The following RNLS variants were observed in gnomAD, a reference collection of about 807,000 sequenced individuals.
RNLS encodes renalase, FAD dependent amine oxidase.
In RNLS, 39 loss-of-function variants were observed where a neutral mutation model predicts 39.8. That is an observed-to-expected ratio of 0.98 (90% CI 0.76 to 1.28). The LOEUF (loss-of-function observed/expected upper bound fraction) is 1.28. Ranked by LOEUF, RNLS falls within the 50% of genes most tolerant of loss-of-function variation. The pLI is 0.00. For missense variants in RNLS, 410 were observed against 413.3 expected (o/e 0.99, Z 0.07); for synonymous variants, 147 against 150.7 (o/e 0.98, Z 0.18).
At chr10:88,369,510 C>T (rs1421060231) in intron 4 of RNLS, among the ~76,000 whole-genome samples, 1 of 152,142 alleles carries the variant, frequency 6.6e-6, no homozygotes, top group East Asian at 1.9e-4. Flanking sequence ...TTTCAGGTGG[C>T]TCTTTTCCCC....
the RNLS span, among the ~76,000 whole-genome samples, chr10:88,178,399 G>A: frequency 0.018 from 2,692 of 152,188 alleles, 89 homozygotes; most frequent in African/African-American, 0.061. Flanking sequence ...CAGCCACATT[G>A]GCTCCAGGTA....
chr10:88,497,471 C>T (rs935678861), intron 4 of RNLS, among the ~76,000 whole-genome samples: 13 of 151,636 alleles, frequency 8.6e-5, no homozygotes, highest in African/African-American at 2.7e-4. Context: ...AGGTGATTTG[C>T]AAAAGCTAAA....
At chr10:88,464,742 T>G (rs1055237398) in intron 4 of RNLS, among the ~76,000 whole-genome samples, 1 of 141,406 alleles carries the variant, frequency 7.1e-6, no homozygotes, top group Non-Finnish European at 1.5e-5. Flanking sequence ...CATAAAACAC[T>G]AACAGCAAAG....
intron 5 of RNLS, among the ~76,000 whole-genome samples, chr10:88,348,564 C>G (rs1385181995): frequency 6.6e-6 from 1 of 152,114 alleles, no homozygotes; most frequent in Non-Finnish European, 1.5e-5. Flanking sequence ...CTGTATAGAT[C>G]TGTAATTTGG....
At chr10:88,494,740 T>A (rs968052243) in intron 4 of RNLS, among the ~76,000 whole-genome samples, 1 of 152,106 alleles carries the variant, frequency 6.6e-6, no homozygotes, top group East Asian at 1.9e-4. Flanking sequence ...GTTCACCAAT[T>A]GTGTGATTTG....
intron 4 of RNLS, among the ~76,000 whole-genome samples, chr10:88,447,108 AG>A (rs1842079748): frequency 6.6e-6 from 1 of 152,264 alleles, no homozygotes; most frequent in Admixed American, 6.5e-5. Flanking sequence ...GGCACACGAC[AG>A]GGATGTCCTC....
At position 88,581,554 on chromosome 10, in the gene RNLS, A is replaced by C; in HGVS notation, c.367+13T>G. The C allele has an allele frequency of 6.3e-7, 1 of 1,581,558 alleles. No homozygotes were observed. ...TAATTTTAAAATTTAGGCAGAGAAA[A>C]TCTTACTCCCACCTGATTCTTTCAA... is the stretch of plus-strand genomic sequence containing the variant. On this transcript the variant is annotated intron_variant, in intron 3 of 6. Coordinates refer to ENST00000331772, the MANE Select transcript of RNLS (RefSeq NM_001031709.3).
chr10:88,242,725 C>T, the RNLS span, among the ~76,000 whole-genome samples: 27 of 152,116 alleles, frequency 1.8e-4, 1 homozygote, highest in African/African-American at 3.4e-4. Context: ...CTGAGGCAGG[C>T]GGATGACCTG....
intron 4 of RNLS, among the ~76,000 whole-genome samples, chr10:88,370,800 AT>A: frequency 6.6e-6 from 1 of 152,248 alleles, no homozygotes; most frequent in African/African-American, 2.4e-5. Context: ...AGAGTTTGAA[AT>A]TTTACCACTC....
At chr10:88,483,959 T>C (rs1844347789) in intron 4 of RNLS, among the ~76,000 whole-genome samples, 1 of 152,134 alleles carries the variant, frequency 6.6e-6, no homozygotes, top group Admixed American at 6.6e-5. Flanking sequence ...CTTTATTTAT[T>C]GTACCCAAGA....
At chr10:88,435,949 CA>C (rs1295538106) in intron 4 of RNLS, among the ~76,000 whole-genome samples, 1 of 151,998 alleles carries the variant, frequency 6.6e-6, no homozygotes, top group African/African-American at 2.4e-5. Flanking sequence ...GAAAGGGTAT[CA>C]ATGAGTGATC....
At chr10:88,299,135 T>C (rs1260311359) in intron 6 of RNLS, among the ~76,000 whole-genome samples, 1 of 152,110 alleles carries the variant, frequency 6.6e-6, no homozygotes, top group Non-Finnish European at 1.5e-5. Context: ...TTTGTGAGAG[T>C]TCTTTGCATA....
chr10:88,549,235 T>C (rs1396163026), intron 4 of RNLS, among the ~76,000 whole-genome samples: 3 of 151,568 alleles, frequency 2.0e-5, no homozygotes, highest in Non-Finnish European at 4.4e-5. Flanking sequence ...TTTTAATTCT[T>C]TCATAAAGTA....
intron 4 of RNLS, among the ~76,000 whole-genome samples, chr10:88,571,926 C>A (rs1423093426): frequency 6.6e-6 from 1 of 152,198 alleles, no homozygotes; most frequent in Non-Finnish European, 1.5e-5. Context: ...AGTAAGAGTG[C>A]AAATTCTACC....
chr10:88,325,610 G>T (rs894997537), intron 5 of RNLS, among the ~76,000 whole-genome samples: 1 of 152,182 alleles, frequency 6.6e-6, no homozygotes, highest in Admixed American at 6.5e-5. Context: ...CATGACAGTT[G>T]TAACCATTAA....
intron 4 of RNLS, among the ~76,000 whole-genome samples, chr10:88,428,795 C>T (rs1023411635): frequency 2.0e-5 from 3 of 151,890 alleles, no homozygotes; most frequent in Admixed American, 6.6e-5. Context: ...GAGGTTACAC[C>T]ATGGGCATTT....
At chr10:88,363,937 A>T (rs1849836082) in intron 4 of RNLS, among the ~76,000 whole-genome samples, 1 of 152,186 alleles carries the variant, frequency 6.6e-6, no homozygotes, top group Admixed American at 6.6e-5. Context: ...AGTGTTCATT[A>T]AATAGTAACT....
chr10:88,558,510 G>C (rs977415997), intron 4 of RNLS, among the ~76,000 whole-genome samples: 5 of 152,058 alleles, frequency 3.3e-5, no homozygotes, highest in African/African-American at 1.2e-4. Context: ...CACTTAAGTA[G>C]GTAAACTCCC....
At position 88,557,696 on chromosome 10, in the gene RNLS, TTTC is replaced by T. The variant is rs1848949141; in HGVS notation, c.526+15204_526+15206del. Among the ~76,000 whole-genome samples, 4 of 152,316 alleles carry T rather than the reference TTTC, an allele frequency of 2.6e-5. No individual in the cohort carries two copies. The South Asian group carries it at 8.3e-4, about 32-fold the overall frequency. On this transcript the variant is annotated intron_variant, in intron 4 of 6. Transcript: ENST00000331772. ...AATTAGTAGTTGATTGTGGTAATAC[TTTC>T]TTATTTGGATTTAGCACATTATATT...
Sources: gnomAD v4.1 joint callset for allele counts (sites outside exome capture counted in the v4.1 genomes callset) on GRCh38, gnomAD v4.1.1 for gene constraint, MANE v1.5 for transcripts, NCBI Gene and HGNC (gene_info 2026-07-23, HGNC 2026-07-21) for gene names.